MAP3K14: variants seen among roughly 807,000 people sequenced by gnomAD.
MAP3K14 encodes NF-kappa-beta-inducing kinase.
In MAP3K14, 16 loss-of-function variants were observed where a neutral mutation model predicts 99.2. The ratio of observed to expected loss-of-function variants is 0.16; its 90% CI spans 0.11 to 0.24. MAP3K14 has a LOEUF of 0.24. Among genes scored for constraint, MAP3K14 ranks in the 10% least tolerant of loss-of-function variants. The pLI is 1.00. For missense variants in MAP3K14, 784 were observed against 1,208.7 expected (o/e 0.65, Z 5.21); for synonymous variants, 462 against 492.4 (o/e 0.94, Z 0.82).
chr17:45,294,516 G>A (rs1172915456), intron 1 of MAP3K14, among the ~76,000 whole-genome samples: 1 of 152,234 alleles, frequency 6.6e-6, no homozygotes, highest in African/African-American at 2.4e-5. Context: ...CCAAGGATCT[G>A]CCATTCCCCA....
rs1323168441 is a variant in MAP3K14, at chr17:45,270,419, G to T, written c.1966C>A (p.Gln656Lys). The change falls in exon 11 of 16, where the codon CAG becomes AAG. Residue 656 changes from glutamine to lysine, a missense_variant. This residue lies in a region of MAP3K14 where 200 missense variants were observed against 367.9 expected (regional missense o/e 0.54). Coordinates refer to ENST00000344686, the MANE Select transcript of MAP3K14 (RefSeq NM_003954.5). ...ELGGKVNRALQQVGGLKSPWR... is the reference protein window; with the variant it reads ...ELGGKVNRALKQVGGLKSPWR... Reference sequence around the variant, plus strand: ...AGCGTGGGGCTCTTCCTACCTTGCTGTAGTGCCCGGTTCACCTTCCCTCCC... The same window carrying T: ...AGCGTGGGGCTCTTCCTACCTTGCTTTAGTGCCCGGTTCACCTTCCCTCCC... 2 of 1,611,194 alleles carry T rather than the reference G, an allele frequency of 1.2e-6. No individual in the cohort carries two copies. Among genetic ancestry groups the T allele is most frequent in the Admixed American group, 1.7e-5 (1 of 59,896 alleles).
At chr17:45,298,869 T>C (rs1050339325) in intron 1 of MAP3K14, among the ~76,000 whole-genome samples, 3 of 152,040 alleles carry the variant, frequency 2.0e-5, no homozygotes, top group Non-Finnish European at 2.9e-5. Flanking sequence ...ATGACAGAGA[T>C]AGACACACAG....
chr17:45,277,974 T>C (rs1567991412), intron 6 of MAP3K14, among the ~76,000 whole-genome samples: 4 of 152,196 alleles, frequency 2.6e-5, no homozygotes, highest in African/African-American at 4.8e-5. Context: ...GGTTTGGAAA[T>C]GGAAGGACCC....
intron 6 of MAP3K14, among the ~76,000 whole-genome samples, chr17:45,279,129 T>C (rs2143802765): frequency 6.6e-6 from 1 of 152,324 alleles, no homozygotes; most frequent in East Asian, 1.9e-4. Flanking sequence ...TCTTGTTTTC[T>C]TTGGTATTCT....
In MAP3K14 at chr17:45,273,489, G is replaced by C; in HGVS notation, c.1657+14C>G. 1 of 1,586,960 alleles carries C rather than the reference G, an allele frequency of 6.3e-7. No homozygotes were observed. Among genetic ancestry groups the C allele is most frequent in the Non-Finnish European group, 8.6e-7 (1 of 1,159,788 alleles). On this transcript the variant is annotated intron_variant, in intron 9 of 15. Transcript: ENST00000344686. ...AATGCATTGGGGGGCACGGCAGTTG[G>C]TGGGGGGCCTTACCTGTGAGCAAGG... is the stretch of plus-strand genomic sequence containing the variant.
chr17:45,316,042 T>C (rs1007761532), intron 1 of MAP3K14, among the ~76,000 whole-genome samples: 3 of 152,224 alleles, frequency 2.0e-5, no homozygotes, highest in African/African-American at 7.2e-5. Flanking sequence ...TTTAAAGTCC[T>C]TAATTAAGTC....
intron 1 of MAP3K14, among the ~76,000 whole-genome samples, chr17:45,293,932 C>G (rs1172866186): frequency 2.6e-5 from 4 of 152,266 alleles, no homozygotes; most frequent in Admixed American, 2.6e-4. Flanking sequence ...TGGTTCTGTA[C>G]TAAGTCCAGG....
At chr17:45,306,857 T>C (rs114030037) in intron 1 of MAP3K14, among the ~76,000 whole-genome samples, 246 of 152,268 alleles carry the variant, frequency 1.6e-3, no homozygotes, top group African/African-American at 5.4e-3. Context: ...AAAGACCCAA[T>C]ATGCAGGAGA....
At position 45,287,321 on chromosome 17, in the gene MAP3K14, C is replaced by G; in HGVS notation, c.370G>C (p.Ala124Pro). ...ACACGGGCCATTTTGCCCTCTGTAG[C>G]ATGGGCCACATTGTTGGGGATCTGA... The part of the protein sequence containing the change: ...LDQIPNNVAH[A>P]TEGKMARVCW... The change falls in exon 4 of 16, where the codon GCT becomes CCT. Residue 124 changes from alanine (A) to proline (P), a missense_variant. Physicochemically the swap from Ala to Pro is conservative, Grantham distance 27. Around this residue, in one of 5 missense-constraint regions of MAP3K14, gnomAD observed 188 missense variants for 313.0 expected, o/e 0.60. Transcript: ENST00000344686. 6.2e-7 allele frequency: 1 copy of G among 1,614,038 alleles called. No individual in the cohort carries two copies. The highest frequency in any genetic ancestry group is 2.2e-5 in the East Asian group (1 of 44,886).
chr17:45,290,391 G>T, intron 2 of MAP3K14, 99 bp downstream of exon 2: 2 of 1,423,220 alleles, frequency 1.4e-6, no homozygotes, highest in South Asian at 1.3e-5. Context: ...ATCTAGCAGT[G>T]ACACAGACCT....
chr17:45,265,094 C>T (rs768954512), intron 15 of MAP3K14, 69 bp downstream of exon 15: 118 of 1,285,150 alleles, frequency 9.2e-5, no homozygotes, highest in Non-Finnish European at 1.3e-4. Context: ...AAGCTTTCCT[C>T]CTGGAGGGTG....
rs1439212868 is a variant in MAP3K14 at position 45,272,030 on chromosome 17, A to T, written c.1658-809T>A. 1.3e-5 allele frequency among the ~76,000 whole-genome samples: 2 copies of T among 152,172 alleles called. No individual in the cohort carries two copies. Among genetic ancestry groups the T allele is most frequent in the Admixed American group, 1.3e-4 (2 of 15,276 alleles). ...CTTAGCTCTACTTTCTTCAACAGAT[A>T]TTAGAAAAAAGGGTCAGGCAGTGGC... On this transcript the variant is annotated intron_variant, in intron 9 of 15. Coordinates refer to ENST00000344686, the MANE Select transcript of MAP3K14 (RefSeq NM_003954.5). The surrounding 1 kb of genome is among the most constrained non-coding windows in gnomAD (Gnocchi z 4.1).
At chr17:45,304,712 C>T (rs9899705) in intron 1 of MAP3K14, among the ~76,000 whole-genome samples, 7 of 152,032 alleles carry the variant, frequency 4.6e-5, no homozygotes, top group African/African-American at 1.7e-4. Context: ...TCAGAAAGAC[C>T]CTCAGAGGTA....
chr17:45,285,856 G>A (rs1385985976), intron 5 of MAP3K14, among the ~76,000 whole-genome samples: 1 of 151,726 alleles, frequency 6.6e-6, no homozygotes, highest in African/African-American at 2.4e-5. Flanking sequence ...GGGGGCTGAG[G>A]CAGGAGGATT....
chr17:45,290,993 C>T, intron 1 of MAP3K14: 1 of 497,634 alleles, frequency 2.0e-6, no homozygotes, highest in Admixed American at 3.2e-5. Flanking sequence ...AGTACCACAA[C>T]ATAAACAGCC....
rs1171779101 is a variant in MAP3K14, at chr17:45,286,364, A to G, written c.1152+67T>C. On this transcript the variant is annotated intron_variant, in intron 5 of 15. Transcript: ENST00000344686. This position sits in a 1 kb window ranked among gnomAD's most constrained non-coding sequence, Gnocchi z 4.1. ...CACCACAGGCAAGAGTGACTCTGAT[A>G]AAGAGAGAAAAGCATCCCCCAGGTT... 2.0e-6 allele frequency: 3 copies of G among 1,474,202 alleles called. No individual in the cohort carries two copies. The East Asian group carries it at 7.2e-5, about 35-fold the overall frequency. 91.3% of individuals were successfully genotyped at this position (1,474,202 alleles called of 1,614,324 possible).
chr17:45,264,910 T>C (rs1356997208), intron 15 of MAP3K14, 110 bp from the exon 16 acceptor site: 17 of 1,170,626 alleles, frequency 1.5e-5, no homozygotes, highest in Non-Finnish European at 2.1e-5. Flanking sequence ...GGGCACTGCC[T>C]GTCTGTCATT....
rs566227577 is a variant in MAP3K14, at chr17:45,312,271, A to G, written c.-21+4689T>C. 7.0e-4 allele frequency among the ~76,000 whole-genome samples: 106 copies of G among 152,190 alleles called. 1 individual carries two copies. Among genetic ancestry groups the G allele is most frequent in the Non-Finnish European group, 1.4e-3 (94 of 67,998 alleles). On this transcript the variant is annotated intron_variant, in intron 1 of 15. Coordinates refer to ENST00000344686, the MANE Select transcript of MAP3K14 (RefSeq NM_003954.5). ...CAGTTATGGAGCAAGGTCCAGGCACACTCTGCCTCTCACCTCCAGCCTGAA... is the reference window on the plus strand; with the variant it reads ...CAGTTATGGAGCAAGGTCCAGGCACGCTCTGCCTCTCACCTCCAGCCTGAA...
At chr17:45,271,293 G>A in intron 9 of MAP3K14, 72 bp from the exon 10 acceptor site, 1 of 1,346,688 alleles carries the variant, frequency 7.4e-7, no homozygotes, top group Non-Finnish European at 1.0e-6. Flanking sequence ...GGCCACCCTG[G>A]TTAATCCTCG....
Sources: gnomAD v4.1 joint callset for allele counts (sites outside exome capture counted in the v4.1 genomes callset) on GRCh38, gnomAD v4.1.1 for gene constraint, gnomAD v4.1.1 regional missense constraint, Gnocchi (gnomAD v3.1) non-coding constraint, MANE v1.5 for transcripts, NCBI Gene and HGNC (gene_info 2026-07-23, HGNC 2026-07-21) for gene names.